AGAP3: variants seen among roughly 807,000 people sequenced by gnomAD.
AGAP3 encodes arf-GAP with GTPase, ANK repeat and PH domain-containing protein 3.
Under a neutral mutation model 96.9 loss-of-function variants are expected in AGAP3, and 24 were observed. That is an observed-to-expected ratio of 0.25 (90% confidence interval 0.18 to 0.35). The LOEUF (loss-of-function observed/expected upper bound fraction) is 0.35. Ranked by LOEUF, AGAP3 falls within the 10% of genes least tolerant of loss-of-function variation. AGAP3 has a pLI of 1.00. For synonymous variants in AGAP3, 563 were observed against 536.1 expected, an observed-to-expected ratio of 1.05 and a Z score of -0.69; for missense variants, 876 against 1,254.2, an observed-to-expected ratio of 0.70 and a Z score of 4.55.
In AGAP3 at chr7:151,108,973, C is replaced by T. The variant is rs916996625; in HGVS notation, c.332-7820C>T. 6.6e-6 allele frequency among the ~76,000 whole-genome samples: 1 copy of T among 152,146 alleles called. No homozygotes were observed. The highest frequency in any genetic ancestry group is 2.4e-5 in the African/African-American group (1 of 41,434). Reference sequence around the variant, plus strand: ...AGTATGCACTAGCTTTTCTGGAGAGCTCATAGCTTCCTAGGGCTGTGGTAA... The same window carrying T: ...AGTATGCACTAGCTTTTCTGGAGAGTTCATAGCTTCCTAGGGCTGTGGTAA... On this transcript the variant is annotated intron_variant, in intron 1 of 17. Transcript: ENST00000397238. The surrounding 1 kb of genome is among the most constrained non-coding windows in gnomAD (Gnocchi z 4.2).
intron 1 of AGAP3, chr7:151,115,312 G>T: frequency 9.9e-7 from 1 of 1,007,426 alleles, no homozygotes; most frequent in South Asian, 4.5e-5. Flanking sequence ...GGGCCCCGGC[G>T]CGGCCTGGCG....
chr7:151,123,223 C>T (rs913357161), intron 8 of AGAP3: 4 of 1,074,926 alleles, frequency 3.7e-6, no homozygotes, highest in Non-Finnish European at 4.5e-6. Context: ...TTGCCTTGCC[C>T]CCTCTTTTTG....
At chr7:151,126,934 C>G (rs4725997) in intron 9 of AGAP3, among the ~76,000 whole-genome samples, 1 of 152,208 alleles carries the variant, frequency 6.6e-6, no homozygotes, top group Non-Finnish European at 1.5e-5. Context: ...CCCGCATGCT[C>G]GCACCTCCAG....
chr7:151,093,255 C>T (rs1353037212), intron 1 of AGAP3, among the ~76,000 whole-genome samples: 1 of 152,160 alleles, frequency 6.6e-6, no homozygotes, highest in Admixed American at 6.5e-5. Context: ...GATCTTCCAC[C>T]TCAGTCTCCC....
chr7:151,120,198 CT>C lies in AGAP3; in HGVS notation c.1128+54del. 3.9e-6 allele frequency: 6 copies of C among 1,532,334 alleles called. No homozygotes were observed. In the South Asian group the frequency reaches 7.6e-5, roughly 19 times the overall value. 94.9% of individuals were successfully genotyped at this position (1,532,334 alleles called of 1,614,324 possible). On this transcript the variant is annotated intron_variant, in intron 8 of 17. Coordinates refer to ENST00000397238, the MANE Select transcript of AGAP3 (RefSeq NM_031946.7). ...AGCTGCCTTTGCTGCACAGGCAGGG[CT>C]GAGCGCCGAGCTCCCAGCCAGGAGG...
chr7:151,126,064 T>TGGGGC (rs1800150591), intron 9 of AGAP3, among the ~76,000 whole-genome samples: 1 of 45,356 alleles, frequency 2.2e-5, no homozygotes, highest in Non-Finnish European at 4.8e-5. Flanking sequence ...GTGGGTGGGG[T>TGGGGC]GGGGCGGGGC....
chr7:151,094,754 A>G (rs1027179592), intron 1 of AGAP3, among the ~76,000 whole-genome samples: 14 of 151,846 alleles, frequency 9.2e-5, no homozygotes, highest in African/African-American at 2.9e-4. Context: ...GCCTCGAGTG[A>G]TCTTCCCGTC....
Position 151,134,386 on chromosome 7 carries a change from C to A in AGAP3, c.1327-14C>A. 1.2e-6 allele frequency: 2 copies of A among 1,613,402 alleles called. No homozygotes were observed. Among genetic ancestry groups the A allele is most frequent in the Non-Finnish European group, 1.7e-6 (2 of 1,179,780 alleles). On this transcript the variant is annotated splice_polypyrimidine_tract_variant and intron_variant, in intron 10 of 17. Transcript: ENST00000397238. ...CTAACCAGTCTTCATCTGTCTCTCC[C>A]ACCCGGCCTGCAGGATTACATGCAG... is the stretch of plus-strand genomic sequence containing the variant.
Position 151,118,528 on chromosome 7 carries a change from C to T in AGAP3, c.865C>T (p.Arg289Ter). 1 of 1,614,150 alleles carries T rather than the reference C, an allele frequency of 6.2e-7. No homozygotes were observed. Among genetic ancestry groups the T allele is most frequent in the Non-Finnish European group, 8.5e-7 (1 of 1,180,038 alleles). Reference sequence around the variant, plus strand: ...AGTGGCCCAGAAGGTAGTGGCCTTGCGAAAGAAGCAGCAACTGGCCATCGG... The same window carrying T: ...AGTGGCCCAGAAGGTAGTGGCCTTGTGAAAGAAGCAGCAACTGGCCATCGG... ...QDVAQKVVAL[R>*]KKQQLAIGPC... Residue 289 changes from arginine (R) to a stop codon, truncating the protein, a stop_gained, in exon 7 of 18, where the codon CGA becomes TGA. Coordinates refer to ENST00000397238, the MANE Select transcript of AGAP3 (RefSeq NM_031946.7). LOFTEE classifies it high-confidence loss of function. This position sits in a 1 kb window ranked among gnomAD's most constrained non-coding sequence, Gnocchi z 6.1.
chr7:151,123,858 G>T lies in AGAP3; in HGVS notation c.1193G>T (p.Gly398Val). 1 of 1,610,976 alleles carries T rather than the reference G, an allele frequency of 6.2e-7. No individual in the cohort carries two copies. Reference sequence around the variant, plus strand: ...GCCGAGTGCAAGGTGGACAGCATCGGGAGCGGCCGCGCCATCCCCATCAAG... The same window carrying T: ...GCCGAGTGCAAGGTGGACAGCATCGTGAGCGGCCGCGCCATCCCCATCAAG... ...KAAECKVDSI[G>V]SGRAIPIKQG... Residue 398 changes from glycine (G) to valine (V), a missense_variant, in exon 9 of 18, where the codon GGG (glycine) becomes GTG (valine). Gly to Val is a moderately radical substitution (Grantham distance 109, BLOSUM62 -3). Around this residue, in one of 8 missense-constraint regions of AGAP3, gnomAD observed 49 missense variants for 41.7 expected, o/e 1.17. Transcript: ENST00000397238.
Position 151,095,751 on chromosome 7 carries a change from A to G in AGAP3, c.331+8679A>G, listed in dbSNP as rs568775751. Among the ~76,000 whole-genome samples, 4 of 146,538 alleles carry G rather than the reference A, an allele frequency of 2.7e-5. No individual in the cohort carries two copies. In the South Asian group the frequency reaches 8.9e-4, roughly 33 times the overall value. On this transcript the variant is annotated intron_variant, in intron 1 of 17. Coordinates refer to ENST00000397238, the MANE Select transcript of AGAP3 (RefSeq NM_031946.7). ...AAGATACCAGAAAGGCAAGCCCCAG[A>G]GCCTTTGTTTGAGAAGAGTTGGGAC...
At chr7:151,099,706 C>G (rs1798760608) in intron 1 of AGAP3, among the ~76,000 whole-genome samples, 1 of 152,240 alleles carries the variant, frequency 6.6e-6, no homozygotes, top group Non-Finnish European at 1.5e-5. Flanking sequence ...TCTTGACCAC[C>G]TGCTAGGGGC....
intron 1 of AGAP3, among the ~76,000 whole-genome samples, chr7:151,098,370 T>C (rs890127835): frequency 5.3e-5 from 8 of 150,282 alleles, no homozygotes; most frequent in African/African-American, 1.5e-4. Flanking sequence ...CACACACACA[T>C]ACAAACACAC....
At position 151,117,219 on chromosome 7, in the gene AGAP3, G is replaced by C. The variant is rs777663424; in HGVS notation, c.478+37G>C. 6 of 1,603,826 alleles carry C rather than the reference G, an allele frequency of 3.7e-6. No individual in the cohort carries two copies. The Admixed American group carries it at 1.0e-4, about 27-fold the overall frequency. On this transcript the variant is annotated intron_variant, in intron 3 of 17. Coordinates refer to ENST00000397238, the MANE Select transcript of AGAP3 (RefSeq NM_031946.7). ...AGGCCCAGCCTGGGCCCTGAGGCCG[G>C]CCACTCCTCCAGCTCCTGCCCACAG...
At chr7:151,100,457 G>C (rs1400342933) in intron 1 of AGAP3, among the ~76,000 whole-genome samples, 1 of 152,226 alleles carries the variant, frequency 6.6e-6, no homozygotes, top group Non-Finnish European at 1.5e-5. Flanking sequence ...GTCTCTCCCA[G>C]CAGCTACGCC....
intron 8 of AGAP3, chr7:151,120,801 A>G: frequency 8.5e-7 from 1 of 1,171,184 alleles, no homozygotes; most frequent in South Asian, 1.6e-5. Context: ...CTCACACCCC[A>G]CACCTGGGGG....
chr7:151,120,663 C>G (rs1799837606), intron 8 of AGAP3: 1 of 1,278,694 alleles, frequency 7.8e-7, no homozygotes, highest in Non-Finnish European at 1.0e-6. Context: ...TTCATGCTTT[C>G]CACCCACCGC....
intron 1 of AGAP3, chr7:151,115,581 G>C (rs1279207962): frequency 3.5e-6 from 4 of 1,152,866 alleles, no homozygotes; most frequent in Non-Finnish European, 4.3e-6. Flanking sequence ...GCCCGCGCCC[G>C]CCGCGCCGCT....
Position 151,126,614 on chromosome 7 carries a change from C to T in AGAP3, c.1222-1966C>T, listed in dbSNP as rs1336398860. 3.3e-5 allele frequency among the ~76,000 whole-genome samples: 5 copies of T among 152,140 alleles called. No individual in the cohort carries two copies. In the East Asian group the frequency reaches 7.7e-4, roughly 24 times the overall value. Reference sequence around the variant, plus strand: ...CAAGGCATCTCCAGAGCCTGAGGGACTTAGAGCCTTCGAGCACGCTAGTCC... The same window carrying T: ...CAAGGCATCTCCAGAGCCTGAGGGATTTAGAGCCTTCGAGCACGCTAGTCC... On this transcript the variant is annotated intron_variant, in intron 9 of 17. Coordinates refer to ENST00000397238, the MANE Select transcript of AGAP3 (RefSeq NM_031946.7).
Sources: gnomAD v4.1 joint callset for allele counts (sites outside exome capture counted in the v4.1 genomes callset) on GRCh38, gnomAD v4.1.1 for gene constraint, gnomAD v4.1.1 regional missense constraint, Gnocchi (gnomAD v3.1) non-coding constraint, MANE v1.5 for transcripts, NCBI Gene and HGNC (gene_info 2026-07-23, HGNC 2026-07-21) for gene names.